ABCA13: variants seen among roughly 807,000 people sequenced by gnomAD.
The protein encoded by ABCA13 is ATP-binding cassette sub-family A member 13.
A neutral mutation model predicts 478.7 loss-of-function variants in ABCA13; 476 were observed. The ratio of observed to expected loss-of-function variants is 0.99; its 90% CI spans 0.92 to 1.07. The LOEUF (loss-of-function observed/expected upper bound fraction) is 1.07. ABCA13 is among the 50% of genes least tolerant of loss of function. The pLI, the probability that ABCA13 is intolerant of heterozygous loss-of-function variation, is 0.00. For synonymous variants in ABCA13, 2,252 were observed against 2,158.9 expected (o/e 1.04, Z -1.20); for missense variants, 6,060 against 5,910.6 (o/e 1.03, Z -0.83).
chr7:48,403,576 T>C, intron 38 of ABCA13, 107 bp from the exon 39 acceptor site: 1 of 1,104,154 alleles, frequency 9.1e-7, no homozygotes, highest in Non-Finnish European at 1.3e-6. Flanking sequence ...GATATATTTG[T>C]GGTTTATAAC....
Position 48,574,799 on chromosome 7 carries a change from C to T in ABCA13, c.14355-5425C>T, listed in dbSNP as rs1180231878. On this transcript the variant is annotated intron_variant, in intron 55 of 61. Coordinates refer to ENST00000435803, the MANE Select transcript of ABCA13 (RefSeq NM_152701.5). ...GAAAAACAAACAAAACACATGTCTC[C>T]TCTCAGTGAGTTTCTTCTTTTTGGG... Among the ~76,000 whole-genome samples the T allele has an allele frequency of 3.9e-5, 6 of 152,180 alleles. No homozygotes were observed. In the East Asian group the frequency reaches 7.7e-4, roughly 20 times the overall value.
chr7:48,478,924 T>C (rs1203877888), intron 45 of ABCA13, among the ~76,000 whole-genome samples: 2 of 151,386 alleles, frequency 1.3e-5, no homozygotes. Flanking sequence ...TGTTTGTGTG[T>C]GTTGAGGATA....
intron 44 of ABCA13, 141 bp downstream of exon 44, chr7:48,467,186 G>A: frequency 1.2e-6 from 1 of 802,158 alleles, no homozygotes; most frequent in Non-Finnish European, 2.1e-6. Flanking sequence ...TAATGACTAG[G>A]TTATTACTGA....
intron 39 of ABCA13, among the ~76,000 whole-genome samples, chr7:48,409,967 G>A (rs1031628433): frequency 1.3e-4 from 19 of 150,930 alleles, no homozygotes; most frequent in Admixed American, 2.6e-4. Flanking sequence ...GGTGGCATGC[G>A]CCTGTAGTCC....
At chr7:48,230,942 C>A (rs1458347198) in intron 7 of ABCA13, among the ~76,000 whole-genome samples, 2 of 152,014 alleles carry the variant, frequency 1.3e-5, no homozygotes, top group African/African-American at 4.8e-5. Flanking sequence ...CTGAATAAGA[C>A]ATAGTTCTTT....
At chr7:48,508,087 T>C in intron 50 of ABCA13, 38 bp downstream of exon 50, 1 of 1,613,124 alleles carries the variant, frequency 6.2e-7, no homozygotes, top group Non-Finnish European at 8.5e-7. Flanking sequence ...GCCTCCACAA[T>C]AGTGATCTAA....
intron 3 of ABCA13, among the ~76,000 whole-genome samples, chr7:48,213,815 C>G (rs1786044213): frequency 6.6e-6 from 1 of 152,180 alleles, no homozygotes; most frequent in Admixed American, 6.5e-5. Flanking sequence ...GATTCCATCT[C>G]AAGAAACCAC....
At position 48,275,878 on chromosome 7, in the gene ABCA13, A is replaced by C. The variant is rs1268375474; in HGVS notation, c.6212A>C (p.Gln2071Pro). The C allele has an allele frequency of 6.2e-7, 1 of 1,613,588 alleles. No individual in the cohort carries two copies. The highest frequency in any genetic ancestry group is 8.5e-7 in the Non-Finnish European group (1 of 1,179,820). ...KFQQIMKDLT[Q>P]DFRIRHLLSE... ...CAACAAATCATGAAAGACCTAACCCAAGATTTTAGAATCAGACACCTGCTT... is the reference window on the plus strand; with the variant it reads ...CAACAAATCATGAAAGACCTAACCCCAGATTTTAGAATCAGACACCTGCTT... The change falls in exon 17 of 62, where the codon CAA (glutamine) becomes CCA (proline). Residue 2071 changes from glutamine to proline, a missense_variant. By Grantham distance (76) the Gln-to-Pro change is moderately conservative. Transcript: ENST00000435803.
chr7:48,176,536 G>C (rs1562703917), intron 1 of ABCA13, among the ~76,000 whole-genome samples: 1 of 152,156 alleles, frequency 6.6e-6, no homozygotes, highest in African/African-American at 2.4e-5. Flanking sequence ...GTGATAAAAT[G>C]CATACTTTCT....
chr7:48,549,573 A>G lies in ABCA13; in HGVS notation c.14354+21228A>G, dbSNP rs1785126952. Among the ~76,000 whole-genome samples, 5 of 151,908 alleles carry G rather than the reference A, an allele frequency of 3.3e-5. No individual in the cohort carries two copies. In the South Asian group the frequency reaches 1.0e-3, roughly 32 times the overall value. ...TAGAATGATTTATTTTCCTTTGGGTATATACCCAGTAATTGGATTGCTGGA... is the reference window on the plus strand; with the variant it reads ...TAGAATGATTTATTTTCCTTTGGGTGTATACCCAGTAATTGGATTGCTGGA... On this transcript the variant is annotated intron_variant, in intron 55 of 61. Transcript: ENST00000435803.
intron 29 of ABCA13, among the ~76,000 whole-genome samples, chr7:48,346,937 C>T (rs1808207590): frequency 6.6e-6 from 1 of 152,180 alleles, no homozygotes; most frequent in South Asian, 2.1e-4. Flanking sequence ...GTTACCCCAG[C>T]CCATGTATTT....
chr7:48,278,962 T>A lies in ABCA13; in HGVS notation c.7768T>A (p.Leu2590Met), dbSNP rs1382805538. The change falls in exon 18 of 62, where the codon TTG becomes ATG. Residue 2590 changes from leucine (L) to methionine (M), a missense_variant. Around this residue, in one of 3 missense-constraint regions of ABCA13, gnomAD observed 4,423 missense variants for 4,309.1 expected, o/e 1.03. Coordinates refer to ENST00000435803, the MANE Select transcript of ABCA13 (RefSeq NM_152701.5). ...TTTCACATTTGAAAAGATAAATGAT[T>A]TGTTGGTGCCATTTCTTGACTTGGC... Reference protein sequence around the residue: ...DHFTFEKINDLLVPFLDLAFE... With the variant: ...DHFTFEKINDMLVPFLDLAFE... 1 of 1,613,492 alleles carries A rather than the reference T, an allele frequency of 6.2e-7. No individual in the cohort carries two copies. Among genetic ancestry groups the A allele is most frequent in the Non-Finnish European group, 8.5e-7 (1 of 1,179,826 alleles).
At chr7:48,322,753 G>A (rs1272626892) in intron 27 of ABCA13, among the ~76,000 whole-genome samples, 1 of 152,152 alleles carries the variant, frequency 6.6e-6, no homozygotes, top group Non-Finnish European at 1.5e-5. Context: ...AGTAAGTTCG[G>A]CAGGCTTTTT....
chr7:48,369,617 C>CA (rs1812323032), intron 32 of ABCA13, among the ~76,000 whole-genome samples: 2 of 152,140 alleles, frequency 1.3e-5, no homozygotes, highest in African/African-American at 4.8e-5. Flanking sequence ...TGTGGGTTGC[C>CA]AATTATCCCA....
At chr7:48,276,755 A>T (rs766786992) in intron 17 of ABCA13, among the ~76,000 whole-genome samples, 190 bp downstream of exon 17, 4 of 152,224 alleles carry the variant, frequency 2.6e-5, no homozygotes, top group African/African-American at 4.8e-5. Context: ...ACTGTCATCT[A>T]GTAAAATATA....
chr7:48,275,830 T>C lies in ABCA13; in HGVS notation c.6164T>C (p.Phe2055Ser). 1.2e-6 allele frequency: 2 copies of C among 1,613,178 alleles called. No homozygotes were observed. The highest frequency in any genetic ancestry group is 1.1e-5 in the South Asian group (1 of 90,970). Residue 2055 changes from phenylalanine (F) to serine (S), a missense_variant, in exon 17 of 62, where the codon TTT (phenylalanine) becomes TCT (serine). This residue lies in a region of ABCA13 where 4,423 missense variants were observed against 4,309.1 expected (regional missense o/e 1.03). Coordinates refer to ENST00000435803, the MANE Select transcript of ABCA13 (RefSeq NM_152701.5). ...GAAAAAAGTGAAACACCTTACAACT[T>C]TGAAGAACTATGGCCCAAGTTTCAA... is the stretch of plus-strand genomic sequence containing the variant. ...FIEKSETPYN[F>S]EELWPKFQQI...
chr7:48,491,660 A>C (rs1183064581), intron 48 of ABCA13, among the ~76,000 whole-genome samples: 1 of 152,238 alleles, frequency 6.6e-6, no homozygotes, highest in African/African-American at 2.4e-5. Flanking sequence ...GGTTTGTGCA[A>C]TAAATTGGGA....
In ABCA13 at chr7:48,511,187, T is replaced by C; in HGVS notation, c.13628T>C (p.Leu4543Pro). The change falls in exon 51 of 62, where the codon CTG becomes CCG. Residue 4543 changes from leucine (L) to proline (P), a missense_variant. This residue lies in a region of ABCA13 where 1,627 missense variants were observed against 1,571.0 expected (regional missense o/e 1.04). Transcript: ENST00000435803. ...RKNLAATALL[L>P]SLFGYATLPW... ...AACTTGGCAGCCACGGCCCTCCTGC[T>C]GTCACTTTTCGGGTATGTGATGAGA... is the stretch of plus-strand genomic sequence containing the variant. 1 of 1,611,906 alleles carries C rather than the reference T, an allele frequency of 6.2e-7. No individual in the cohort carries two copies.
intron 59 of ABCA13, among the ~76,000 whole-genome samples, chr7:48,637,790 A>G (rs1794794279): frequency 6.6e-6 from 1 of 152,330 alleles, no homozygotes; most frequent in South Asian, 2.1e-4. Context: ...GAAAAAAACA[A>G]TAGATATGCA....
Sources: allele counts gnomAD v4.1 joint callset (sites outside exome capture counted in the v4.1 genomes callset), GRCh38; gene constraint gnomAD v4.1.1; regional missense constraint gnomAD v4.1.1; transcripts MANE v1.5; gene names NCBI Gene and HGNC (gene_info 2026-07-23, HGNC 2026-07-21).